Variants in WWOX observed in about 807,000 individuals in gnomAD.
The protein encoded by WWOX is WW domain containing oxidoreductase, also known as WW domain-containing oxidoreductase.
WWOX carries 69 observed loss-of-function variants against 46.2 expected under a neutral mutation model. The observed-to-expected ratio is 1.49, with a 90% CI of 1.23 to 1.82. The LOEUF (loss-of-function observed/expected upper bound fraction) is 1.82. Ranked by LOEUF, WWOX falls within the 40% of genes most tolerant of loss-of-function variation. The probability of loss-of-function intolerance (pLI) is 0.00; values close to 1 mark genes in which losing one functional copy is unlikely to be tolerated. For synonymous variants in WWOX, 359 were observed against 202.6 expected, an observed-to-expected ratio of 1.77 and a Z score of -6.56; for missense variants, 919 against 542.6, an observed-to-expected ratio of 1.69 and a Z score of -6.89.
intron 8 of WWOX, among the ~76,000 whole-genome samples, chr16:78,641,923 A>G (rs190481440): frequency 7.4e-4 from 112 of 152,260 alleles, no homozygotes; most frequent in Non-Finnish European, 1.4e-3. Context: ...TACCAAATAG[A>G]TCTTGATCGC....
chr16:78,273,718 A>G (rs1439648240), intron 5 of WWOX, among the ~76,000 whole-genome samples: 1 of 152,222 alleles, frequency 6.6e-6, no homozygotes, highest in Non-Finnish European at 1.5e-5. Context: ...AAAATCAACA[A>G]GATTTGGCCA....
intron 8 of WWOX, among the ~76,000 whole-genome samples, chr16:78,864,165 G>T (rs1055714475): frequency 6.6e-6 from 1 of 151,926 alleles, no homozygotes; most frequent in Non-Finnish European, 1.5e-5. Context: ...GGAATTACGG[G>T]GTCATACAGT....
chr16:78,115,949 A>G (rs1331279906), intron 4 of WWOX, among the ~76,000 whole-genome samples: 1 of 151,984 alleles, frequency 6.6e-6, no homozygotes, highest in African/African-American at 2.4e-5. Flanking sequence ...CAGCCCTCAC[A>G]CGGCCCCCTT....
intron 5 of WWOX, among the ~76,000 whole-genome samples, chr16:78,294,492 C>T (rs1314700819): frequency 1.3e-5 from 2 of 152,108 alleles, no homozygotes; most frequent in African/African-American, 4.8e-5. Context: ...GAGTCCCTCT[C>T]AACAAAACAA....
In WWOX at chr16:78,623,898, T is replaced by C. The variant is rs556355598; in HGVS notation, c.1056+191146T>C. ...GTCACATATTGTATAGAATAAAATA[T>C]CATCAGGAGCAGCTCATGTGACCAG... On this transcript the variant is annotated intron_variant, in intron 8 of 8. Coordinates refer to ENST00000566780, the MANE Select transcript of WWOX (RefSeq NM_016373.4). 2.0e-5 allele frequency among the ~76,000 whole-genome samples: 3 copies of C among 152,284 alleles called. No homozygotes were observed. The East Asian group carries it at 5.8e-4, about 29-fold the overall frequency.
intron 5 of WWOX, among the ~76,000 whole-genome samples, chr16:78,263,215 G>A (rs896865844): frequency 4.6e-5 from 7 of 152,194 alleles, no homozygotes; most frequent in African/African-American, 1.7e-4. Context: ...ACTTCAGAGC[G>A]AGACTTCCTC....
intron 8 of WWOX, among the ~76,000 whole-genome samples, chr16:78,726,196 C>T (rs943114330): frequency 6.8e-6 from 1 of 146,818 alleles, no homozygotes; most frequent in Non-Finnish European, 1.5e-5. Flanking sequence ...CTCTTTCCTT[C>T]CTTCCTTCCT....
At chr16:78,996,386 C>CCA (rs1555508914) in intron 8 of WWOX, 1 of 812,112 alleles carries the variant, frequency 1.2e-6, no homozygotes, top group African/African-American at 2.1e-5. Context: ...ACCCCCGCCC[C>CCA]CCAGCTTCCC....
chr16:78,263,818 G>A (rs768520521), intron 5 of WWOX, among the ~76,000 whole-genome samples: 8 of 152,078 alleles, frequency 5.3e-5, no homozygotes, highest in Non-Finnish European at 1.0e-4. Context: ...TGCCTCCAAT[G>A]AAGCCAACTC....
At chr16:79,123,047 C>T (rs990059093) in intron 8 of WWOX, among the ~76,000 whole-genome samples, 4 of 152,192 alleles carry the variant, frequency 2.6e-5, no homozygotes, top group East Asian at 1.9e-4. Context: ...GGGCCTTCTC[C>T]GCCTTCAAAA....
chr16:79,003,855 C>G (rs529933109), intron 8 of WWOX, among the ~76,000 whole-genome samples: 6 of 152,278 alleles, frequency 3.9e-5, no homozygotes, highest in African/African-American at 1.4e-4. Flanking sequence ...CCTGAGCTCA[C>G]TGGGATTAAG....
intron 6 of WWOX, among the ~76,000 whole-genome samples, chr16:78,412,442 A>G (rs1360352323): frequency 1.3e-5 from 2 of 152,212 alleles, no homozygotes; most frequent in Non-Finnish European, 2.9e-5. Flanking sequence ...TGAAGTCTTC[A>G]TGGCGATTTT....
chr16:78,894,020 T>TTTATTATTATTATTATTA (rs6145911), intron 8 of WWOX, among the ~76,000 whole-genome samples: 9,621 of 139,900 alleles, frequency 0.069, 387 homozygotes, highest in Middle Eastern at 0.12. Flanking sequence ...TATTGAGGCT[T>TTTATTATTATTATTATTA]TTATTATTAT....
chr16:78,356,482 T>G (rs930775271), intron 5 of WWOX, among the ~76,000 whole-genome samples: 2 of 152,116 alleles, frequency 1.3e-5, no homozygotes, highest in East Asian at 3.9e-4. Flanking sequence ...ATCTCTAGTT[T>G]GTTGTAAGTC....
intron 8 of WWOX, among the ~76,000 whole-genome samples, chr16:78,694,759 A>G (rs1171735575): frequency 2.6e-5 from 4 of 152,156 alleles, no homozygotes; most frequent in Admixed American, 2.0e-4. Context: ...TGGAATATCA[A>G]CTATTACAGC....
At chr16:78,870,764 G>C (rs2044110113) in intron 8 of WWOX, among the ~76,000 whole-genome samples, 1 of 152,138 alleles carries the variant, frequency 6.6e-6, no homozygotes, top group African/African-American at 2.4e-5. Context: ...ACCATGCCCA[G>C]CTAAATTTTT....
chr16:78,583,874 A>G (rs1291731250), intron 8 of WWOX, among the ~76,000 whole-genome samples: 1 of 152,208 alleles, frequency 6.6e-6, no homozygotes, highest in Non-Finnish European at 1.5e-5. Context: ...AAAGCTGGTT[A>G]GTGTTGCATA....
intron 8 of WWOX, among the ~76,000 whole-genome samples, chr16:78,593,516 C>T (rs1223536299): frequency 1.3e-5 from 2 of 152,186 alleles, no homozygotes; most frequent in Admixed American, 6.5e-5. Flanking sequence ...CAGGTCAGAC[C>T]AGTCACAGTT....
At chr16:78,337,254 C>G (rs1372845407) in intron 5 of WWOX, among the ~76,000 whole-genome samples, 1 of 152,072 alleles carries the variant, frequency 6.6e-6, no homozygotes, top group Non-Finnish European at 1.5e-5. Flanking sequence ...CAGACAGAAT[C>G]TTTTGAAGGT....
Sources: allele counts gnomAD v4.1 joint callset (sites outside exome capture counted in the v4.1 genomes callset), GRCh38; gene constraint gnomAD v4.1.1; transcripts MANE v1.5; gene names NCBI Gene and HGNC (gene_info 2026-07-23, HGNC 2026-07-21).